The following PLCG2 variants were observed in gnomAD, a reference collection of about 807,000 sequenced individuals.
PLCG2 encodes the protein 1-phosphatidylinositol 4,5-bisphosphate phosphodiesterase gamma-2.
Under a neutral mutation model 175.6 loss-of-function variants are expected in PLCG2, and 69 were observed. The ratio of observed to expected loss-of-function variants is 0.39; its 90% CI spans 0.32 to 0.48. PLCG2 has a LOEUF of 0.48. Ranked by LOEUF, PLCG2 falls within the 20% of genes least tolerant of loss-of-function variation. The pLI is 0.91. For missense variants in PLCG2, 1,798 were observed against 1,650.9 expected (o/e 1.09, Z -1.54); for synonymous variants, 827 against 624.0 (o/e 1.33, Z -4.85).
chr16:81,938,758 C>A, intron 28 of PLCG2, 43 bp from the exon 29 acceptor site: 4 of 1,237,446 alleles, frequency 3.2e-6, no homozygotes, highest in South Asian at 1.2e-5. Context: ...GCTGCCTGTT[C>A]AGGACCCCAG....
chr16:81,752,143 G>C (rs1011710172), intron 1 of PLCG2, among the ~76,000 whole-genome samples: 1 of 152,136 alleles, frequency 6.6e-6, no homozygotes, highest in Non-Finnish European at 1.5e-5. Flanking sequence ...CTATGAGCCT[G>C]CTGAGTGCTG....
chr16:81,920,238 C>G (rs1341067899), intron 20 of PLCG2, among the ~76,000 whole-genome samples: 1 of 152,168 alleles, frequency 6.6e-6, no homozygotes, highest in Non-Finnish European at 1.5e-5. Context: ...GTTCTGGGTG[C>G]AGGAGAGACC....
chr16:81,919,747 T>TG (rs778226125), intron 20 of PLCG2, 83 bp downstream of exon 20: 10 of 1,194,120 alleles, frequency 8.4e-6, no homozygotes, highest in Non-Finnish European at 1.2e-5. Flanking sequence ...AGCAAACCTC[T>TG]GAGTATTCAC....
chr16:81,933,832 G>A (rs528253932), intron 25 of PLCG2, among the ~76,000 whole-genome samples: 9 of 152,342 alleles, frequency 5.9e-5, no homozygotes, highest in African/African-American at 1.9e-4. Flanking sequence ...GCTTTGGGGT[G>A]AAGTGAGAAG....
At chr16:81,818,760 G>C (rs1484556799) in intron 2 of PLCG2, among the ~76,000 whole-genome samples, 1 of 152,006 alleles carries the variant, frequency 6.6e-6, no homozygotes, top group Non-Finnish European at 1.5e-5. Flanking sequence ...ACTGAGGGCT[G>C]CTGAGCCTGT....
At chr16:81,922,373 A>G (rs1411933211) in intron 21 of PLCG2, among the ~76,000 whole-genome samples, 3 of 152,348 alleles carry the variant, frequency 2.0e-5, no homozygotes, top group South Asian at 2.1e-4. Flanking sequence ...GCATACTCAT[A>G]TAACTACTTA....
rs559871246 is a variant in PLCG2, at chr16:81,913,567, C to T, written c.2054+851C>T. On this transcript the variant is annotated intron_variant, in intron 19 of 32. Transcript: ENST00000564138. ...AGTCTCTAGCCAGAGGCCTGGGGGCCAAATCTCCAGCCAGAGGCCTGTGGG... is the reference window on the plus strand; with the variant it reads ...AGTCTCTAGCCAGAGGCCTGGGGGCTAAATCTCCAGCCAGAGGCCTGTGGG... Among the ~76,000 whole-genome samples the T allele has an allele frequency of 4.3e-4, 66 of 152,334 alleles. 1 individual carries two copies. In the South Asian group the frequency reaches 0.013, roughly 30 times the overall value.
In PLCG2 at chr16:81,883,213, C is replaced by T. The variant is rs1001926372; in HGVS notation, c.693-56C>T. 32 of 1,513,918 alleles carry T rather than the reference C, an allele frequency of 2.1e-5. No homozygotes were observed. The South Asian group carries it at 2.7e-4, about 13-fold the overall frequency. 93.8% of individuals were successfully genotyped at this position (1,513,918 alleles called of 1,614,324 possible). ...TGCCCCATTGGCTGGCATCTCCTCT[C>T]GACTCCTCTGTTGAATGTGTCTGTC... is the stretch of plus-strand genomic sequence containing the variant. On this transcript the variant is annotated intron_variant, in intron 8 of 32. Coordinates refer to ENST00000564138, the MANE Select transcript of PLCG2 (RefSeq NM_002661.5).
intron 3 of PLCG2, among the ~76,000 whole-genome samples, chr16:81,856,116 A>G (rs1302905783): frequency 6.6e-6 from 1 of 152,142 alleles, no homozygotes; most frequent in Non-Finnish European, 1.5e-5. Context: ...GATGGTCAAG[A>G]TTTTGATTCA....
intron 2 of PLCG2, among the ~76,000 whole-genome samples, chr16:81,824,357 CT>C (rs1193999072): frequency 2.6e-5 from 4 of 152,160 alleles, no homozygotes; most frequent in Non-Finnish European, 5.9e-5. Flanking sequence ...TGGTCTTGAA[CT>C]CCTGATCTTA....
At chr16:81,897,473 C>T (rs1236028608) in intron 13 of PLCG2, among the ~76,000 whole-genome samples, 1 of 152,052 alleles carries the variant, frequency 6.6e-6, no homozygotes, top group Admixed American at 6.5e-5. Flanking sequence ...GTGCTTAACC[C>T]TGCACCTGGC....
At chr16:81,833,535 CT>C (rs34385270) in intron 2 of PLCG2, among the ~76,000 whole-genome samples, 132 of 137,362 alleles carry the variant, frequency 9.6e-4, no homozygotes, top group Middle Eastern at 3.7e-3. Flanking sequence ...TTAAAAAAAT[CT>C]TTTTTTTTTT....
intron 1 of PLCG2, among the ~76,000 whole-genome samples, chr16:81,744,367 A>G (rs1909662164): frequency 6.8e-6 from 1 of 147,322 alleles, no homozygotes; most frequent in South Asian, 2.2e-4. Flanking sequence ...GTTTCACCAT[A>G]TTAGCCAGGA....
chr16:81,897,450 G>A (rs1908943372), intron 13 of PLCG2, among the ~76,000 whole-genome samples: 1 of 152,120 alleles, frequency 6.6e-6, no homozygotes, highest in African/African-American at 2.4e-5. Context: ...TAAATGAGAT[G>A]CCATTACAGC....
chr16:81,913,783 C>A (rs373559856), intron 19 of PLCG2, among the ~76,000 whole-genome samples: 1 of 152,310 alleles, frequency 6.6e-6, no homozygotes, highest in East Asian at 1.9e-4. Context: ...TTCCCTCTGC[C>A]CTGATCCCAT....
Position 81,908,409 on chromosome 16 carries a change from G to A in PLCG2, c.1558-7G>A, listed in dbSNP as rs1909471696. On this transcript the variant is annotated splice_region_variant and splice_polypyrimidine_tract_variant and intron_variant, in intron 16 of 32. Coordinates refer to ENST00000564138, the MANE Select transcript of PLCG2 (RefSeq NM_002661.5). ...TTTCAGAAACCCCTCCTCTCTTTGC[G>A]GCCCAGGATATACCCCCTACAGAAC... 6.2e-7 allele frequency: 1 copy of A among 1,612,300 alleles called. No homozygotes were observed. Among genetic ancestry groups the A allele is most frequent in the Non-Finnish European group, 8.5e-7 (1 of 1,178,960 alleles).
rs374913248 is a variant in PLCG2, at chr16:81,942,977, C to T, written c.3481+2918C>T. Among the ~76,000 whole-genome samples the T allele has an allele frequency of 7.0e-4, 107 of 151,876 alleles. 1 individual carries two copies. The highest frequency in any genetic ancestry group is 2.4e-3 in the African/African-American group (99 of 41,400). ...GTGCATAAAAATGGGACTTGGGCAG[C>T]GAGAGAAGGTACATAGAGCTGGAGA... On this transcript the variant is annotated intron_variant, in intron 30 of 32. Coordinates refer to ENST00000564138, the MANE Select transcript of PLCG2 (RefSeq NM_002661.5).
At position 81,952,709 on chromosome 16, in the gene PLCG2, C is replaced by T. The variant is rs1238710075; in HGVS notation, c.3571-3986C>T. ...ACATGACAGAGAAGAGATAGCTCTT[C>T]CTTACAAATGAATTCTGATTAATAA... On this transcript the variant is annotated intron_variant, in intron 31 of 32. Coordinates refer to ENST00000564138, the MANE Select transcript of PLCG2 (RefSeq NM_002661.5). Among the ~76,000 whole-genome samples the T allele has an allele frequency of 2.6e-5, 4 of 152,120 alleles. No homozygotes were observed. In the East Asian group the frequency reaches 7.7e-4, roughly 29 times the overall value.
intron 2 of PLCG2, among the ~76,000 whole-genome samples, chr16:81,758,012 G>C (rs1433629305): frequency 1.3e-5 from 2 of 152,158 alleles, no homozygotes; most frequent in African/African-American, 4.8e-5. Flanking sequence ...GTCTCGATCT[G>C]TCACCCAGGC....
Sources: allele counts gnomAD v4.1 joint callset (sites outside exome capture counted in the v4.1 genomes callset), GRCh38; gene constraint gnomAD v4.1.1; transcripts MANE v1.5; gene names NCBI Gene and HGNC (gene_info 2026-07-23, HGNC 2026-07-21).